The following TMEM74 variants were observed in gnomAD, a reference collection of about 807,000 sequenced individuals.
TMEM74 encodes the protein transmembrane protein 74.
TMEM74 carries 13 observed loss-of-function variants against 18.1 expected under a neutral mutation model. The ratio of observed to expected loss-of-function variants is 0.72; its 90% confidence interval spans 0.47 to 1.14. The LOEUF (loss-of-function observed/expected upper bound fraction) is 1.14. Ranked by LOEUF, TMEM74 falls within the 50% of genes most tolerant of loss-of-function variation. The pLI, the probability that TMEM74 is intolerant of heterozygous loss-of-function variation, is 0.00. For synonymous variants in TMEM74, 159 were observed against 146.6 expected, an observed-to-expected ratio of 1.08 and a Z score of -0.61; for missense variants, 372 against 375.9, an observed-to-expected ratio of 0.99 and a Z score of 0.09.
intron 2 of TMEM74, chr8:108,653,111 C>T: frequency 5.6e-6 from 1 of 177,112 alleles, no homozygotes; most frequent in South Asian, 1.3e-4. Context: ...TTCAAAAGGC[C>T]CAGGAATACT....
chr8:108,732,302 G>A (rs1289196363), intron 1 of TMEM74, among the ~76,000 whole-genome samples: 1 of 152,144 alleles, frequency 6.6e-6, no homozygotes, highest in Non-Finnish European at 1.5e-5. Flanking sequence ...ATTCAAAGTT[G>A]TTTAGCTGTC....
At position 108,663,357 on chromosome 8, in the gene TMEM74, G is replaced by GA. The variant is rs369289970; in HGVS notation, n.120-7921dup. Among the ~76,000 whole-genome samples the GA allele has an allele frequency of 1.4e-3, 217 of 152,110 alleles. 1 individual carries two copies. Among genetic ancestry groups the GA allele is most frequent in the African/African-American group, 4.9e-3 (204 of 41,510 alleles). Reference sequence around the variant, plus strand: ...CATTCATGCGGTCAACAAACATATGGAAAAAAGCTCAACATCACTGATTTA... The same window carrying GA: ...CATTCATGCGGTCAACAAACATATGGAAAAAAAGCTCAACATCACTGATTTA... On this transcript the variant is annotated intron_variant and non_coding_transcript_variant, in intron 1 of 3. Coordinates refer to the TMEM74 transcript ENST00000518838.
Position 108,695,479 on chromosome 8 carries a change from T to C in TMEM74, n.120-40042A>G, listed in dbSNP as rs78727064. Among the ~76,000 whole-genome samples, 29 of 152,332 alleles carry C rather than the reference T, an allele frequency of 1.9e-4. No individual in the cohort carries two copies. In the East Asian group the frequency reaches 1.9e-3, roughly 10 times the overall value. On this transcript the variant is annotated intron_variant and non_coding_transcript_variant, in intron 1 of 3. Coordinates refer to the TMEM74 transcript ENST00000518838. Reference sequence around the variant, plus strand: ...TTTTACCAGCATTCTTATTTCACTATATCTTCACAATGACTCTATGTCATA... The same window carrying C: ...TTTTACCAGCATTCTTATTTCACTACATCTTCACAATGACTCTATGTCATA...
At chr8:108,608,482 G>A (rs969543191) in intron 3 of TMEM74, among the ~76,000 whole-genome samples, 75 of 152,108 alleles carry the variant, frequency 4.9e-4, no homozygotes, top group Admixed American at 2.9e-3. Flanking sequence ...GTGGACTGTG[G>A]CAATAATACC....
At chr8:108,746,871 C>T (rs1813853302) in intron 1 of TMEM74, among the ~76,000 whole-genome samples, 2 of 152,166 alleles carry the variant, frequency 1.3e-5, no homozygotes, top group South Asian at 4.1e-4. Context: ...GGTGGCAAGT[C>T]TGGAGAGGGC....
At chr8:108,750,473 A>G (rs1243460223) in intron 1 of TMEM74, among the ~76,000 whole-genome samples, 1 of 152,024 alleles carries the variant, frequency 6.6e-6, no homozygotes, top group Non-Finnish European at 1.5e-5. Context: ...CCTACCCACT[A>G]GGAATGTTGG....
At chr8:108,771,379 G>A (rs1814169028) in intron 1 of TMEM74, among the ~76,000 whole-genome samples, 1 of 151,960 alleles carries the variant, frequency 6.6e-6, no homozygotes, top group Admixed American at 6.6e-5. Context: ...TTACATAAAT[G>A]TTTGCTAAAA....
At chr8:108,619,073 G>C (rs188949075) in intron 2 of TMEM74, among the ~76,000 whole-genome samples, 16 of 152,200 alleles carry the variant, frequency 1.1e-4, no homozygotes, top group African/African-American at 3.9e-4. Context: ...ATTTAATCTT[G>C]AGAAAAATTT....
Position 108,630,100 on chromosome 8 carries a change from C to A in TMEM74, n.265-21274G>T, listed in dbSNP as rs139934831. 6.3e-3 allele frequency among the ~76,000 whole-genome samples: 962 copies of A among 151,942 alleles called. 12 individuals are homozygous for A. Among genetic ancestry groups the A allele is most frequent in the African/African-American group, 0.021 (886 of 41,438 alleles). ...GTATTCAGGATATCCATCTCACATG[C>A]AAAGACATGCATAGGCTCAAAATAA... On this transcript the variant is annotated intron_variant and non_coding_transcript_variant, in intron 2 of 3. Coordinates refer to the TMEM74 transcript ENST00000518838.
At chr8:108,717,864 G>T (rs1280751295) in intron 1 of TMEM74, among the ~76,000 whole-genome samples, 2 of 151,096 alleles carry the variant, frequency 1.3e-5, no homozygotes, top group Non-Finnish European at 2.9e-5. Flanking sequence ...ACCTTCAGGG[G>T]CATTTTAAGG....
chr8:108,665,808 A>G (rs1812944014), intron 1 of TMEM74, among the ~76,000 whole-genome samples: 1 of 152,128 alleles, frequency 6.6e-6, no homozygotes, highest in Non-Finnish European at 1.5e-5. Flanking sequence ...TGATACAGAC[A>G]TGTACAAAGA....
chr8:108,673,322 G>A (rs756196920), intron 1 of TMEM74, among the ~76,000 whole-genome samples: 4 of 152,144 alleles, frequency 2.6e-5, no homozygotes, highest in Non-Finnish European at 4.4e-5. Flanking sequence ...GGAGTACTCA[G>A]TACCTACTGG....
At chr8:108,677,569 A>G (rs1813066414) in intron 1 of TMEM74, among the ~76,000 whole-genome samples, 1 of 151,782 alleles carries the variant, frequency 6.6e-6, no homozygotes, top group South Asian at 2.1e-4. Flanking sequence ...TCTGAAACAA[A>G]TGAATCATGC....
intron 1 of TMEM74, among the ~76,000 whole-genome samples, chr8:108,656,655 T>A (rs1253068953): frequency 2.6e-5 from 4 of 152,262 alleles, no homozygotes; most frequent in Non-Finnish European, 5.9e-5. Flanking sequence ...CCAAAGTACA[T>A]CCCTCAGTGA....
chr8:108,654,065 T>A (rs925541979), intron 2 of TMEM74, among the ~76,000 whole-genome samples: 1 of 152,092 alleles, frequency 6.6e-6, no homozygotes, highest in Non-Finnish European at 1.5e-5. Flanking sequence ...GGTAGAGGGG[T>A]TTGGGACCAT....
intron 1 of TMEM74, among the ~76,000 whole-genome samples, chr8:108,671,848 C>G (rs1000851027): frequency 1.3e-5 from 2 of 152,160 alleles, no homozygotes; most frequent in Non-Finnish European, 2.9e-5. Flanking sequence ...TATTGCCTTC[C>G]ATAAAAGGTA....
intron 1 of TMEM74, among the ~76,000 whole-genome samples, chr8:108,751,113 T>C (rs1813900377): frequency 6.6e-6 from 1 of 152,124 alleles, no homozygotes; most frequent in South Asian, 2.1e-4. Flanking sequence ...CAAAAAATAA[T>C]CCACTTTGGG....
chr8:108,738,067 C>T lies in TMEM74; in HGVS notation n.119+49409G>A, dbSNP rs537994033. On this transcript the variant is annotated intron_variant and non_coding_transcript_variant, in intron 1 of 3. Coordinates refer to the TMEM74 transcript ENST00000518838. ...GTTGCTCTGTTTAGGAATCTCTCCCCCTGTGCTTATCTTCTTTTCATTACC... is the reference window on the plus strand; with the variant it reads ...GTTGCTCTGTTTAGGAATCTCTCCCTCTGTGCTTATCTTCTTTTCATTACC... 3.9e-4 allele frequency among the ~76,000 whole-genome samples: 59 copies of T among 152,228 alleles called. No homozygotes were observed. The South Asian group carries it at 0.012, about 31-fold the overall frequency.
At chr8:108,626,405 G>C (rs896751929) in intron 2 of TMEM74, among the ~76,000 whole-genome samples, 1 of 152,026 alleles carries the variant, frequency 6.6e-6, no homozygotes, top group Non-Finnish European at 1.5e-5. Flanking sequence ...CAAAAGCCTA[G>C]AGAGATACCT....
Sources: allele counts gnomAD v4.1 joint callset (sites outside exome capture counted in the v4.1 genomes callset), GRCh38; gene constraint gnomAD v4.1.1; transcripts MANE v1.5; gene names NCBI Gene and HGNC (gene_info 2026-07-23, HGNC 2026-07-21).